Variants in JARID2 observed in about 807,000 individuals in gnomAD.
JARID2 encodes the protein jumonji and AT-rich interaction domain containing 2.
In JARID2, 21 loss-of-function variants were observed where a neutral mutation model predicts 125.6. The ratio of observed to expected loss-of-function variants is 0.17; its 90% confidence interval spans 0.12 to 0.24. The LOEUF (loss-of-function observed/expected upper bound fraction) is 0.24, where lower values mean the gene tolerates loss of function less well. JARID2 is among the 10% of genes least tolerant of loss of function. The pLI is 1.00. For synonymous variants in JARID2, 736 were observed against 661.6 expected (o/e 1.11, Z -1.73); for missense variants, 1,303 against 1,639.6 (o/e 0.79, Z 3.55).
chr6:15,448,417 T>C (rs1767771055), intron 3 of JARID2, among the ~76,000 whole-genome samples: 1 of 152,202 alleles, frequency 6.6e-6, no homozygotes, highest in Non-Finnish European at 1.5e-5. Flanking sequence ...TCATTGTCGC[T>C]GCACAATCTT....
At position 15,285,106 on chromosome 6, in the gene JARID2, G is replaced by GTTTTTT. The variant is rs199945772; in HGVS notation, c.45+38538_45+38543dup. Among the ~76,000 whole-genome samples, 478 of 119,430 alleles carry GTTTTTT rather than the reference G, an allele frequency of 4.0e-3. 18 individuals are homozygous for GTTTTTT. Among genetic ancestry groups the GTTTTTT allele is most frequent in the African/African-American group, 0.015 (466 of 30,394 alleles). The allele number at this position is 119,430 out of a possible 152,430, so 78.4% of individuals were successfully genotyped here. On this transcript the variant is annotated intron_variant, in intron 1 of 17. Coordinates refer to ENST00000341776, the MANE Select transcript of JARID2 (RefSeq NM_004973.4). ...TTTGCATTAATGTGAGTCTTTCTGG[G>GTTTTTT]TTTTTTTTTTTTTTTTTTTTTGAAA... is the stretch of plus-strand genomic sequence containing the variant.
At chr6:15,396,987 GC>G (rs1332510516) in intron 2 of JARID2, among the ~76,000 whole-genome samples, 1 of 152,106 alleles carries the variant, frequency 6.6e-6, no homozygotes, top group African/African-American at 2.4e-5. Context: ...TAGCTATCGG[GC>G]CAGCCACATG....
At chr6:15,431,370 A>G (rs986256441) in intron 3 of JARID2, among the ~76,000 whole-genome samples, 13 of 152,188 alleles carry the variant, frequency 8.5e-5, no homozygotes, top group Admixed American at 2.6e-4. Flanking sequence ...CGTATGTCTC[A>G]TAAACGATGC....
chr6:15,431,975 A>C (rs1456274728), intron 3 of JARID2, among the ~76,000 whole-genome samples: 1 of 152,208 alleles, frequency 6.6e-6, no homozygotes, highest in Non-Finnish European at 1.5e-5. Context: ...TGTGCTCAGT[A>C]GTGCTCCTGC....
At chr6:15,300,758 G>T (rs1275874149) in intron 1 of JARID2, among the ~76,000 whole-genome samples, 1 of 146,188 alleles carries the variant, frequency 6.8e-6, no homozygotes, top group Non-Finnish European at 1.5e-5. Flanking sequence ...AGACAGAGAG[G>T]AGGGGTGGAG....
At chr6:15,396,571 A>T (rs1220960689) in intron 2 of JARID2, among the ~76,000 whole-genome samples, 2 of 152,188 alleles carry the variant, frequency 1.3e-5, no homozygotes, top group African/African-American at 4.8e-5. Flanking sequence ...TGTCGCTATT[A>T]CCAAACCCTG....
At chr6:15,439,304 A>G (rs920181856) in intron 3 of JARID2, among the ~76,000 whole-genome samples, 1 of 152,118 alleles carries the variant, frequency 6.6e-6, no homozygotes, top group Non-Finnish European at 1.5e-5. Context: ...ATGGATCTCT[A>G]TCCTCCTCCT....
At chr6:15,330,427 G>A (rs993337363) in intron 1 of JARID2, among the ~76,000 whole-genome samples, 1 of 152,204 alleles carries the variant, frequency 6.6e-6, no homozygotes, top group African/African-American at 2.4e-5. Context: ...CAGTGGTCAC[G>A]ACCACATTAC....
intron 3 of JARID2, among the ~76,000 whole-genome samples, chr6:15,422,609 T>C (rs1255384535): frequency 6.6e-6 from 1 of 152,180 alleles, no homozygotes; most frequent in Non-Finnish European, 1.5e-5. Flanking sequence ...CTCATTTAAC[T>C]CACAATTTCT....
Position 15,496,515 on chromosome 6 carries a change from CCTGCAGCTGCGGGAGGGG to C in JARID2, c.1295_1312del (p.Gln432_Leu437del), listed in dbSNP as rs759798477. 2.6e-5 allele frequency: 41 copies of C among 1,605,444 alleles called. No individual in the cohort carries two copies. Among genetic ancestry groups the C allele is most frequent in the African/African-American group, 6.7e-5 (5 of 74,670 alleles). ...TGGGGGGGCGGCAGCTGCGGGAGGG[CCTGCAGCTGCGGGAGGGG>C]CTGCGGAACTCCAAGAGGAGACTGG... On this transcript the variant is annotated inframe_deletion, in exon 7 of 18. Coordinates refer to ENST00000341776, the MANE Select transcript of JARID2 (RefSeq NM_004973.4).
intron 3 of JARID2, among the ~76,000 whole-genome samples, chr6:15,448,697 G>T (rs1370459214): frequency 6.6e-6 from 1 of 152,110 alleles, no homozygotes; most frequent in Admixed American, 6.5e-5. Context: ...AAGCCTCATG[G>T]GAAAAGCAGG....
intron 1 of JARID2, among the ~76,000 whole-genome samples, chr6:15,294,157 T>G (rs1194341024): frequency 6.6e-6 from 1 of 152,078 alleles, no homozygotes; most frequent in Non-Finnish European, 1.5e-5. Flanking sequence ...GCCAACCACT[T>G]TAGGTTAGGT....
intron 3 of JARID2, among the ~76,000 whole-genome samples, chr6:15,423,950 G>A (rs765613879): frequency 1.8e-4 from 28 of 152,226 alleles, no homozygotes; most frequent in South Asian, 8.3e-4. Context: ...CTCTCCCGGA[G>A]GGTCTTTTTG....
rs570392259 is a variant in JARID2, at chr6:15,301,019, T to G, written c.45+54435T>G. Among the ~76,000 whole-genome samples, 4 of 152,234 alleles carry G rather than the reference T, an allele frequency of 2.6e-5. No individual in the cohort carries two copies. In the East Asian group the frequency reaches 5.8e-4, roughly 22 times the overall value. On this transcript the variant is annotated intron_variant, in intron 1 of 17. Coordinates refer to ENST00000341776, the MANE Select transcript of JARID2 (RefSeq NM_004973.4). ...AGGTTCTGGATATGAAAGAACTAGG[T>G]AAGATTGCAAATGTAGTCTCTCTAT...
chr6:15,256,870 A>G (rs1759685473), intron 1 of JARID2, among the ~76,000 whole-genome samples: 2 of 152,360 alleles, frequency 1.3e-5, no homozygotes, highest in East Asian at 1.9e-4. Context: ...TCTAATACAT[A>G]GTATACATTC....
At chr6:15,410,094 G>A (rs969828846) in intron 2 of JARID2, 130 bp from the exon 3 acceptor site, 2 of 790,976 alleles carry the variant, frequency 2.5e-6, no homozygotes, top group African/African-American at 1.7e-5. Context: ...CAAAAGGGAT[G>A]TGTGCTTTTA....
intron 1 of JARID2, among the ~76,000 whole-genome samples, chr6:15,304,131 A>G (rs1313819124): frequency 6.6e-6 from 1 of 152,140 alleles, no homozygotes; most frequent in Non-Finnish European, 1.5e-5. Flanking sequence ...AGTGCAGGTG[A>G]TAGTGGCTAC....
chr6:15,517,855 C>G (rs1007566194), intron 17 of JARID2, among the ~76,000 whole-genome samples: 1 of 152,242 alleles, frequency 6.6e-6, no homozygotes, highest in Non-Finnish European at 1.5e-5. Context: ...GCCTTCCCCA[C>G]GTGTGCTTCC....
At chr6:15,495,714 T>C (rs1212706252) in intron 6 of JARID2, among the ~76,000 whole-genome samples, 1 of 152,212 alleles carries the variant, frequency 6.6e-6, no homozygotes, top group African/African-American at 2.4e-5. Context: ...TGTGTCTGTC[T>C]CCACTTCCCC....
Sources: gnomAD v4.1 joint callset for allele counts (sites outside exome capture counted in the v4.1 genomes callset) on GRCh38, gnomAD v4.1.1 for gene constraint, MANE v1.5 for transcripts, NCBI Gene and HGNC (gene_info 2026-07-23, HGNC 2026-07-21) for gene names.